Variants in MEIOSIN observed in about 807,000 individuals in gnomAD.
MEIOSIN encodes the protein meiosis initiator.
MEIOSIN carries 18 observed loss-of-function variants against 23.4 expected under a neutral mutation model. The observed-to-expected ratio is 0.77, with a 90% CI of 0.53 to 1.14. MEIOSIN has a LOEUF of 1.14. Ranked by LOEUF, MEIOSIN falls within the 50% of genes most tolerant of loss-of-function variation. MEIOSIN has a pLI of 0.00. For synonymous variants in MEIOSIN, 187 were observed against 100.6 expected (o/e 1.86, Z -5.14); for missense variants, 428 against 242.9 (o/e 1.76, Z -5.07).
At position 45,738,795 on chromosome 19, in the gene MEIOSIN, T is replaced by C. The variant is rs191580090; in HGVS notation, c.72-831T>C. Among the ~76,000 whole-genome samples the C allele has an allele frequency of 2.0e-5, 3 of 152,296 alleles. No homozygotes were observed. In the East Asian group the frequency reaches 5.8e-4, roughly 29 times the overall value. On this transcript the variant is annotated intron_variant, in intron 2 of 14. Coordinates refer to ENST00000457052, the MANE Select transcript of MEIOSIN (RefSeq NM_001310124.2). ...GCTTTGTTTAGGTTCTCTACCTAGA[T>C]ACTATGCTCAGAAGAAGCACCATGA... is the stretch of plus-strand genomic sequence containing the variant.
At chr19:45,759,538 C>A (rs1292117739) in intron 11 of MEIOSIN, 48 bp downstream of exon 11, 5 of 700,234 alleles carry the variant, frequency 7.1e-6, no homozygotes, top group Non-Finnish European at 1.3e-5. Flanking sequence ...ATCCGTCTTT[C>A]CACACACGTC....
chr19:45,747,117 G>T (rs565933896), intron 4 of MEIOSIN, among the ~76,000 whole-genome samples: 1 of 152,124 alleles, frequency 6.6e-6, no homozygotes, highest in East Asian at 1.9e-4. Flanking sequence ...ATAAATGACC[G>T]GATGGCCACA....
At chr19:45,763,222 C>T in intron 13 of MEIOSIN, 116 bp from the exon 14 acceptor site, 1 of 397,060 alleles carries the variant, frequency 2.5e-6, no homozygotes, top group Non-Finnish European at 4.4e-6. Context: ...TCTGCCTCCT[C>T]AGCTCCAGAG....
chr19:45,737,337 G>T (rs181829689), intron 2 of MEIOSIN, among the ~76,000 whole-genome samples: 7 of 151,942 alleles, frequency 4.6e-5, no homozygotes, highest in South Asian at 2.1e-4. Context: ...GCACCACCAC[G>T]CCTGGCTAAT....
At chr19:45,739,753 G>A (rs1379731873) in intron 3 of MEIOSIN, 23 bp downstream of exon 3, 2 of 703,332 alleles carry the variant, frequency 2.8e-6, no homozygotes, top group Non-Finnish European at 5.2e-6. Context: ...GAAAAGGGGG[G>A]ATTGGATGTT....
intron 11 of MEIOSIN, among the ~76,000 whole-genome samples, chr19:45,760,012 G>T (rs1022507061): frequency 6.6e-6 from 1 of 151,830 alleles, no homozygotes; most frequent in African/African-American, 2.4e-5. Context: ...TGTTGGCCAG[G>T]CTGGTCTCCA....
At chr19:45,740,087 G>A (rs924110407) in intron 3 of MEIOSIN, among the ~76,000 whole-genome samples, 1 of 152,196 alleles carries the variant, frequency 6.6e-6, no homozygotes, top group Non-Finnish European at 1.5e-5. Context: ...GACCTCAGGT[G>A]ATCTGCCTGC....
At chr19:45,737,492 GTC>G (rs1272103025) in intron 2 of MEIOSIN, among the ~76,000 whole-genome samples, 1 of 151,662 alleles carries the variant, frequency 6.6e-6, no homozygotes, top group Non-Finnish European at 1.5e-5. Flanking sequence ...TTTAGACAGG[GTC>G]TTGCTCTGTT....
At chr19:45,735,183 C>T (rs897494451) in intron 1 of MEIOSIN, among the ~76,000 whole-genome samples, 194 bp from the exon 2 acceptor site, 6 of 152,102 alleles carry the variant, frequency 3.9e-5, no homozygotes, top group East Asian at 1.9e-4. Flanking sequence ...TGTGAGCTAC[C>T]ACTTCTGGCC....
rs1305907351 is a variant in MEIOSIN at position 45,754,743 on chromosome 19, T to C, written c.802+19T>C. ...ATCTCAAGTGGGTCTCTTTCCTCAC[T>C]CTGAACTTAGTCTTTCAGTAAGATG... On this transcript the variant is annotated intron_variant, in intron 7 of 14. Coordinates refer to ENST00000457052, the MANE Select transcript of MEIOSIN (RefSeq NM_001310124.2). The C allele has an allele frequency of 1.4e-6, 1 of 702,574 alleles. No homozygotes were observed. Among genetic ancestry groups the C allele is most frequent in the South Asian group, 1.5e-5 (1 of 67,568 alleles). 43.5% of individuals were successfully genotyped at this position (702,574 alleles called of 1,614,324 possible).
Position 45,750,717 on chromosome 19 carries a change from C to T in MEIOSIN, c.349C>T (p.Gln117Ter). 1.6e-6 allele frequency: 1 copy of T among 642,344 alleles called. No homozygotes were observed. The highest frequency in any genetic ancestry group is 1.7e-5 in the South Asian group (1 of 57,310). 39.8% of individuals were successfully genotyped at this position (642,344 alleles called of 1,614,324 possible). Residue 117 changes from glutamine (Q) to a stop codon, truncating the protein, a stop_gained, in exon 5 of 15, where the codon CAG (glutamine) becomes TAG (stop). Coordinates refer to ENST00000457052, the MANE Select transcript of MEIOSIN (RefSeq NM_001310124.2). LOFTEE classifies it high-confidence loss of function. ...VHVLQYIQYL[Q>*]RNIDAAKALF... ...TGTCCTGCAGTACATTCAGTACCTC[C>T]AGAGAAACATCGATGCCGCCAAGGC...
At chr19:45,759,381 C>T (rs1315778673) in intron 10 of MEIOSIN, 33 bp from the exon 11 acceptor site, 1 of 702,758 alleles carries the variant, frequency 1.4e-6, no homozygotes, top group Non-Finnish European at 2.6e-6. Flanking sequence ...GAAGCATTTC[C>T]ACTCTGGCTG....
intron 5 of MEIOSIN, among the ~76,000 whole-genome samples, chr19:45,751,223 G>C (rs12980922): frequency 1.3e-5 from 2 of 151,038 alleles, no homozygotes; most frequent in Admixed American, 1.3e-4. Flanking sequence ...TGTGAGCCGA[G>C]ATCACGCCAC....
chr19:45,749,662 ATT>A (rs1968656223), intron 4 of MEIOSIN, among the ~76,000 whole-genome samples: 1 of 95,508 alleles, frequency 1.0e-5, no homozygotes, highest in African/African-American at 4.5e-5. Context: ...ACAGAACAAG[ATT>A]CTGTCTCAAA....
chr19:45,735,684 A>ATTTT (rs1294152498), intron 2 of MEIOSIN, among the ~76,000 whole-genome samples: 1 of 151,712 alleles, frequency 6.6e-6, no homozygotes, highest in African/African-American at 2.4e-5. Context: ...TTATTTATTT[A>ATTTT]TTTATTTTTG....
rs1568555062 is a variant in MEIOSIN, at chr19:45,745,192, G to T, written c.177G>T (p.Arg59Ser). Residue 59 changes from arginine (R) to serine (S), a missense_variant and splice_region_variant, in exon 4 of 15, where the codon AGG becomes AGT. Physicochemically the swap from Arg to Ser is moderately radical, Grantham distance 110. Transcript: ENST00000457052. ...EEKWLLKGKL[R>S]NQRNQNKLLS... Reference sequence around the variant, plus strand: ...AAAACCAGCTCCTGTCCCCAAACAGGAATCAGAGGAACCAAAACAAGCTCC... The same window carrying T: ...AAAACCAGCTCCTGTCCCCAAACAGTAATCAGAGGAACCAAAACAAGCTCC... 2.8e-6 allele frequency: 2 copies of T among 702,862 alleles called. No homozygotes were observed. The highest frequency in any genetic ancestry group is 5.2e-6 in the Non-Finnish European group (2 of 384,992). The allele number at this position is 702,862 out of a possible 1,614,324, so 43.5% of individuals were successfully genotyped here.
Position 45,761,795 on chromosome 19 carries a change from C to G in MEIOSIN, c.1362C>G (p.Ser454Arg), listed in dbSNP as rs781741974. 6.4e-5 allele frequency: 44 copies of G among 687,080 alleles called. No individual in the cohort carries two copies. Among genetic ancestry groups the G allele is most frequent in the Admixed American group, 2.3e-4 (11 of 48,736 alleles). 42.6% of individuals were successfully genotyped at this position (687,080 alleles called of 1,614,324 possible). The change falls in exon 12 of 15, where the codon AGC becomes AGG. Residue 454 changes from serine (S) to arginine (R), a missense_variant. Coordinates refer to ENST00000457052, the MANE Select transcript of MEIOSIN (RefSeq NM_001310124.2). Reference sequence around the variant, plus strand: ...GCGGGAACAGCAAGGCGCCATCCAGCTCCAGCTCCAGCTCCAGCTCCAGCT... The same window carrying G: ...GCGGGAACAGCAAGGCGCCATCCAGGTCCAGCTCCAGCTCCAGCTCCAGCT... The part of the protein sequence containing the change: ...SLSGNSKAPS[S>R]SSSSSSSSSS...
At chr19:45,735,299 A>C (rs1032195327) in intron 1 of MEIOSIN, 78 bp from the exon 2 acceptor site, 1 of 691,026 alleles carries the variant, frequency 1.4e-6, no homozygotes. Context: ...AGGGAAGATG[A>C]AGGGTGCCCA....
chr19:45,762,343 C>T (rs184451231), intron 13 of MEIOSIN, among the ~76,000 whole-genome samples, 160 bp downstream of exon 13: 1 of 152,114 alleles, frequency 6.6e-6, no homozygotes, highest in African/African-American at 2.4e-5. Flanking sequence ...CTGAACCCGG[C>T]CCCATTGTAT....
Sources: gnomAD v4.1 joint callset for allele counts (sites outside exome capture counted in the v4.1 genomes callset) on GRCh38, gnomAD v4.1.1 for gene constraint, MANE v1.5 for transcripts, NCBI Gene and HGNC (gene_info 2026-07-23, HGNC 2026-07-21) for gene names.